RSPH14: variants seen among roughly 807,000 people sequenced by gnomAD.
The protein encoded by RSPH14 is rhabdoid tumor deletion region gene 1.
RSPH14 carries 20 observed loss-of-function variants against 26.7 expected under a neutral mutation model. That is an observed-to-expected ratio of 0.75 (90% CI 0.53 to 1.09). RSPH14 has a LOEUF of 1.09. Among genes scored for constraint, RSPH14 ranks in the 50% least tolerant of loss-of-function variants. The pLI, the probability that RSPH14 is intolerant of heterozygous loss-of-function variation, is 0.00. For missense variants in RSPH14, 449 were observed against 457.2 expected (o/e 0.98, Z 0.16); for synonymous variants, 177 against 189.3 (o/e 0.93, Z 0.53).
the RSPH14 span, among the ~76,000 whole-genome samples, chr22:23,169,813 G>T: frequency 3.3e-5 from 5 of 152,278 alleles, no homozygotes; most frequent in South Asian, 8.3e-4. Context: ...ATTAGAAAAA[G>T]GTACCTTGGC....
intron 5 of RSPH14, among the ~76,000 whole-genome samples, 155 bp from the exon 6 acceptor site, chr22:23,062,100 C>A (rs1367692740): frequency 6.6e-6 from 1 of 152,208 alleles, no homozygotes; most frequent in Non-Finnish European, 1.5e-5. Context: ...CTGGTCATGG[C>A]AGGGATGCTG....
In RSPH14 at chr22:23,065,821, G is replaced by A. The variant is rs557524899; in HGVS notation, c.422-1688C>T. 1.6e-4 allele frequency among the ~76,000 whole-genome samples: 25 copies of A among 152,276 alleles called. No homozygotes were observed. In the East Asian group the frequency reaches 4.4e-3, roughly 27 times the overall value. On this transcript the variant is annotated intron_variant, in intron 4 of 6. Coordinates refer to ENST00000216036, the MANE Select transcript of RSPH14 (RefSeq NM_014433.3). ...GAGTCCCAGCTACAAGCAAGGGCCT[G>A]CTGGAGGCTGAGGAGTAGGATACAA...
At chr22:23,179,275 A>G in the RSPH14 span, among the ~76,000 whole-genome samples, 1 of 142,324 alleles carries the variant, frequency 7.0e-6, no homozygotes, top group Non-Finnish European at 1.6e-5. Flanking sequence ...TGAGGCAGAG[A>G]GGGAGAGGTG....
chr22:23,149,077 A>G (rs2070958884), upstream of RSPH14, among the ~76,000 whole-genome samples: 1 of 152,072 alleles, frequency 6.6e-6, no homozygotes, highest in African/African-American at 2.4e-5. Flanking sequence ...GCTGGAACTG[A>G]GAGGGCAGAT....
chr22:23,072,757 G>C (rs997076668), intron 4 of RSPH14, among the ~76,000 whole-genome samples: 1 of 152,222 alleles, frequency 6.6e-6, no homozygotes, highest in Non-Finnish European at 1.5e-5. Context: ...TTGGGACACA[G>C]GGAATGGATT....
At chr22:23,144,092 CAAAAAAAAAAAAAAA>C (rs35499128), upstream of RSPH14, among the ~76,000 whole-genome samples, 9 of 24,146 alleles carry the variant, frequency 3.7e-4, no homozygotes, top group South Asian at 2.3e-3. Flanking sequence ...GACTCCATCT[CAAAAAAAAAAAAAAA>C]AAAAAAAAAA....
chr22:23,121,439 C>T (rs141634691), intron 4 of RSPH14, among the ~76,000 whole-genome samples: 3 of 152,336 alleles, frequency 2.0e-5, no homozygotes, highest in Non-Finnish European at 4.4e-5. Flanking sequence ...CTCAGGCAGC[C>T]TCCTTTGGGC....
At position 23,138,961 on chromosome 22, in the gene RSPH14, AC is replaced by A. The variant is rs763652317; in HGVS notation, c.200-20del. 2.1e-4 allele frequency: 312 copies of A among 1,459,618 alleles called. No homozygotes were observed. The highest frequency in any genetic ancestry group is 3.2e-4 in the African/African-American group (22 of 68,962). The allele number at this position is 1,459,618 out of a possible 1,614,324, so 90.4% of individuals were successfully genotyped here. On this transcript the variant is annotated intron_variant, in intron 2 of 6. Coordinates refer to ENST00000216036, the MANE Select transcript of RSPH14 (RefSeq NM_014433.3). Reference sequence around the variant, plus strand: ...ATACAGCCTAGAAAAAAAAAAAAAAACAAACAAACCAACCCTTGAATTTTTG... The same window carrying A: ...ATACAGCCTAGAAAAAAAAAAAAAAAAAACAAACCAACCCTTGAATTTTTG...
chr22:23,095,405 C>T (rs1350068679), intron 4 of RSPH14: 4 of 398,060 alleles, frequency 1.0e-5, no homozygotes, highest in East Asian at 4.5e-5. Flanking sequence ...GGCTTCCCAC[C>T]GTCGCCGAGG....
chr22:23,178,891 T>C, the RSPH14 span, among the ~76,000 whole-genome samples: 1 of 152,144 alleles, frequency 6.6e-6, no homozygotes, highest in African/African-American at 2.4e-5. Flanking sequence ...TTGATGGTTC[T>C]CTAGGGAAGC....
At chr22:23,095,020 A>T (rs2069083027) in intron 4 of RSPH14, among the ~76,000 whole-genome samples, 1 of 152,218 alleles carries the variant, frequency 6.6e-6, no homozygotes, top group African/African-American at 2.4e-5. Context: ...CCTCTCCCTC[A>T]TGCACCTGGC....
chr22:23,080,582 C>A (rs1454577316), intron 4 of RSPH14, among the ~76,000 whole-genome samples: 1 of 152,220 alleles, frequency 6.6e-6, no homozygotes, highest in African/African-American at 2.4e-5. Flanking sequence ...CGTTGCGGAT[C>A]TGCAGGTGCA....
chr22:23,163,875 C>G, the RSPH14 span: 1 of 152,262 alleles, frequency 6.6e-6, no homozygotes, highest in Non-Finnish European at 1.5e-5. Flanking sequence ...CCTGATGGCA[C>G]ACAAGGAGCC....
At chr22:23,089,650 G>A (rs758265360) in intron 4 of RSPH14, among the ~76,000 whole-genome samples, 12 of 152,172 alleles carry the variant, frequency 7.9e-5, no homozygotes, top group Non-Finnish European at 1.8e-4. Context: ...CTGGAAGGAG[G>A]GTGATGAGGG....
chr22:23,080,831 C>G (rs1398714828), intron 4 of RSPH14, among the ~76,000 whole-genome samples: 1 of 152,226 alleles, frequency 6.6e-6, no homozygotes, highest in African/African-American at 2.4e-5. Flanking sequence ...CGCGCAAAAA[C>G]CCTTTTTACC....
At chr22:23,149,563 G>A (rs978293782), upstream of RSPH14, among the ~76,000 whole-genome samples, 7 of 152,130 alleles carry the variant, frequency 4.6e-5, no homozygotes, top group African/African-American at 1.4e-4. Flanking sequence ...TTAGAGACAG[G>A]GTCTCACTCT....
At chr22:23,150,114 G>A in the RSPH14 span, 1 of 1,612,708 alleles carries the variant, frequency 6.2e-7, no homozygotes, top group Non-Finnish European at 8.5e-7. Flanking sequence ...CCACGGGCAG[G>A]TCAGCGCTGC....
chr22:23,163,015 G>T, the RSPH14 span: 1 of 293,946 alleles, frequency 3.4e-6, no homozygotes, highest in Non-Finnish European at 6.7e-6. Context: ...AGGTTGAAGC[G>T]ATTCTCCTGC....
chr22:23,133,214 G>A (rs1038989936), intron 4 of RSPH14, among the ~76,000 whole-genome samples: 1 of 152,142 alleles, frequency 6.6e-6, no homozygotes, highest in Admixed American at 6.5e-5. Flanking sequence ...CGTCAGCAAC[G>A]GAATGGGTAA....
Sources: gnomAD v4.1 joint callset for allele counts (sites outside exome capture counted in the v4.1 genomes callset) on GRCh38, gnomAD v4.1.1 for gene constraint, MANE v1.5 for transcripts, NCBI Gene and HGNC (gene_info 2026-07-23, HGNC 2026-07-21) for gene names.